Variants in BORA observed in about 807,000 individuals in gnomAD.
BORA encodes protein aurora borealis.
Under a neutral mutation model 55.8 loss-of-function variants are expected in BORA, and 26 were observed. The observed-to-expected ratio is 0.47, with a 90% CI of 0.34 to 0.65. The LOEUF (loss-of-function observed/expected upper bound fraction) is 0.65. Ranked by LOEUF, BORA falls within the 30% of genes least tolerant of loss-of-function variation. The pLI is 0.01. For missense variants in BORA, 568 were observed against 671.5 expected, an observed-to-expected ratio of 0.85 and a Z score of 1.70; for synonymous variants, 201 against 216.9, an observed-to-expected ratio of 0.93 and a Z score of 0.64.
At chr13:72,753,891 A>G (rs1247761952) in intron 11 of BORA, 70 bp downstream of exon 11, 3 of 1,394,576 alleles carry the variant, frequency 2.2e-6, no homozygotes, top group Admixed American at 4.1e-5. Context: ...TGATTATTAG[A>G]CAATAGTACT....
chr13:72,728,046 T>C (rs191478196), intron 1 of BORA, 39 bp downstream of exon 1: 5 of 1,550,358 alleles, frequency 3.2e-6, no homozygotes, highest in Non-Finnish European at 4.4e-6. Context: ...TTTCCTCCTG[T>C]CTGAATGGAG....
intron 10 of BORA, chr13:72,752,485 T>C (rs1381203097): frequency 1.3e-5 from 2 of 152,200 alleles, no homozygotes; most frequent in Non-Finnish European, 2.9e-5. Context: ...GCTGTACTAA[T>C]GAGTAACTCT....
chr13:72,728,909 T>G lies in BORA; in HGVS notation c.-15-17T>G, dbSNP rs766724175. The G allele has an allele frequency of 6.4e-7, 1 of 1,550,758 alleles. No individual in the cohort carries two copies. The highest frequency in any genetic ancestry group is 8.6e-7 in the Non-Finnish European group (1 of 1,156,440). ...GACTTTGTAATTTTAACATGCATAC[T>G]CTTGATTTCTTTTTAGTTTTCTCTC... On this transcript the variant is annotated splice_polypyrimidine_tract_variant and intron_variant, in intron 1 of 11. Transcript: ENST00000390667.
intron 10 of BORA, among the ~76,000 whole-genome samples, chr13:72,749,006 TCA>T (rs752493470): frequency 6.6e-6 from 1 of 152,174 alleles, no homozygotes; most frequent in Admixed American, 6.6e-5. Flanking sequence ...CCAAGCAGTC[TCA>T]GTTTTACTCT....
At chr13:72,731,517 A>G (rs959296479) in intron 3 of BORA, 130 bp downstream of exon 3, 10 of 681,324 alleles carry the variant, frequency 1.5e-5, no homozygotes, top group Non-Finnish European at 2.3e-5. Context: ...GATTTTTTCT[A>G]TCTAAATGAA....
intron 5 of BORA, among the ~76,000 whole-genome samples, chr13:72,739,751 A>G (rs1013080235): frequency 1.3e-5 from 2 of 152,152 alleles, no homozygotes. Flanking sequence ...CACTCCTCCC[A>G]TGATTAGGAG....
At chr13:72,730,006 G>A (rs1445065344) in intron 2 of BORA, among the ~76,000 whole-genome samples, 1 of 151,804 alleles carries the variant, frequency 6.6e-6, no homozygotes, top group African/African-American at 2.4e-5. Flanking sequence ...TGTTGGCCAG[G>A]CTGATCTCGA....
chr13:72,742,034 G>C (rs557767329), intron 5 of BORA, among the ~76,000 whole-genome samples: 108 of 152,142 alleles, frequency 7.1e-4, no homozygotes, highest in Non-Finnish European at 1.5e-3. Flanking sequence ...TAGGCAGAGA[G>C]AGTATTGATT....
chr13:72,738,897 C>G (rs1268857910), intron 5 of BORA, among the ~76,000 whole-genome samples: 1 of 152,136 alleles, frequency 6.6e-6, no homozygotes, highest in Non-Finnish European at 1.5e-5. Flanking sequence ...AAGATGAGAG[C>G]ATTTGTCCAG....
At chr13:72,742,127 A>G (rs1291794079) in intron 5 of BORA, among the ~76,000 whole-genome samples, 1 of 151,968 alleles carries the variant, frequency 6.6e-6, no homozygotes, top group African/African-American at 2.4e-5. Flanking sequence ...CCGTTTTGAT[A>G]GTATTTCACA....
chr13:72,734,909 C>T (rs766717033), intron 3 of BORA, 51 bp from the exon 4 acceptor site: 16 of 1,329,792 alleles, frequency 1.2e-5, no homozygotes, highest in South Asian at 9.2e-5. Flanking sequence ...TTAAAATGTT[C>T]AATAAGCTTA....
At chr13:72,747,775 C>T (rs898858139) in intron 10 of BORA, among the ~76,000 whole-genome samples, 41 of 152,196 alleles carry the variant, frequency 2.7e-4, no homozygotes, top group African/African-American at 9.9e-4. Flanking sequence ...TCAGTTGATC[C>T]GCCCACCTCA....
intron 10 of BORA, among the ~76,000 whole-genome samples, chr13:72,750,083 G>A (rs149771220): frequency 1.3e-5 from 2 of 152,232 alleles, no homozygotes; most frequent in African/African-American, 4.8e-5. Context: ...TGAGAGTAAC[G>A]GGGAGCCAGG....
intron 3 of BORA, among the ~76,000 whole-genome samples, 177 bp downstream of exon 3, chr13:72,731,564 C>T (rs2032817364): frequency 9.2e-5 from 14 of 152,164 alleles, no homozygotes; most frequent in Admixed American, 9.2e-4. Context: ...GATTTTCTTG[C>T]CAACAGTTCC....
rs539131188 is a variant in BORA, at chr13:72,728,063, C to A, written c.-16+56C>A. The A allele has an allele frequency of 2.6e-4, 396 of 1,549,072 alleles. 3 individuals are homozygous for A. The African/African-American group carries it at 4.6e-3, about 18-fold the overall frequency. Reference sequence around the variant, plus strand: ...TCCTCCTGTCTGAATGGAGAGGTTTCTTTTCCCAGCTCCTGACTTGCCTGC... The same window carrying A: ...TCCTCCTGTCTGAATGGAGAGGTTTATTTTCCCAGCTCCTGACTTGCCTGC... On this transcript the variant is annotated intron_variant, in intron 1 of 11. Transcript: ENST00000390667.
At position 72,746,070 on chromosome 13, in the gene BORA, C is replaced by T; in HGVS notation, c.865C>T (p.Leu289Phe). 1.2e-6 allele frequency: 2 copies of T among 1,608,924 alleles called. No homozygotes were observed. Among genetic ancestry groups the T allele is most frequent in the African/African-American group, 1.3e-5 (1 of 74,896 alleles). ...PIEFQIGETP[L>F]SEQRKFTVHS... ...TGAATTTCAGATAGGAGAGACTCCA[C>T]TCTCAGGTATGTCTCATAATAAAAT... The change falls in exon 9 of 12, where the codon CTC (leucine) becomes TTC (phenylalanine). Residue 289 changes from leucine to phenylalanine, a missense_variant. Coordinates refer to ENST00000390667, the MANE Select transcript of BORA (RefSeq NM_024808.5).
chr13:72,743,639 A>G, intron 6 of BORA, 37 bp downstream of exon 6: 4 of 1,495,512 alleles, frequency 2.7e-6, no homozygotes, highest in Non-Finnish European at 3.7e-6. Flanking sequence ...AGGATGTTCC[A>G]TATTAAGCTA....
chr13:72,729,253 C>G (rs1474859022), intron 2 of BORA, among the ~76,000 whole-genome samples, 160 bp downstream of exon 2: 2 of 150,680 alleles, frequency 1.3e-5, no homozygotes, highest in East Asian at 3.9e-4. Context: ...TCATTATAAT[C>G]TAGTGGTTAG....
chr13:72,728,246 C>T (rs2032728183), intron 1 of BORA: 1 of 706,178 alleles, frequency 1.4e-6, no homozygotes, highest in South Asian at 1.5e-5. Context: ...CTCTTTTCCA[C>T]CCCACCCCGC....
Sources: allele counts gnomAD v4.1 joint callset (sites outside exome capture counted in the v4.1 genomes callset), GRCh38; gene constraint gnomAD v4.1.1; transcripts MANE v1.5; gene names NCBI Gene and HGNC (gene_info 2026-07-23, HGNC 2026-07-21).